SPG7: variants seen among roughly 807,000 people sequenced by gnomAD.
SPG7 encodes the protein SPG7 matrix AAA peptidase subunit, paraplegin, also known as mitochondrial inner membrane m-AAA protease component paraplegin.
A neutral mutation model predicts 81.9 loss-of-function variants in SPG7; 103 were observed. That is an observed-to-expected ratio of 1.26 (90% CI 1.07 to 1.48). The LOEUF (loss-of-function observed/expected upper bound fraction) is 1.48. Ranked by LOEUF, SPG7 falls within the 40% of genes most tolerant of loss-of-function variation. The pLI is 0.00. For missense variants in SPG7, 1,241 were observed against 1,087.3 expected (o/e 1.14, Z -1.99); for synonymous variants, 534 against 444.2 (o/e 1.20, Z -2.54).
intron 3 of SPG7, among the ~76,000 whole-genome samples, chr16:89,515,710 TTATTA>T (rs2058086417): frequency 6.9e-6 from 1 of 144,662 alleles, no homozygotes; most frequent in African/African-American, 2.7e-5. Context: ...ACTATTATTA[TTATTA>T]TTTTTTTTTT....
Position 89,529,552 on chromosome 16 carries a change from T to G in SPG7, c.834T>G (p.Thr278=), listed in dbSNP as rs1280128284. The G allele has an allele frequency of 6.2e-7, 1 of 1,613,756 alleles. No individual in the cohort carries two copies. Among genetic ancestry groups the G allele is most frequent in the East Asian group, 2.2e-5 (1 of 44,896 alleles). Residue 278 remains threonine (T), a synonymous_variant, in exon 6 of 17, where the codon ACT becomes ACG. Transcript: ENST00000645818. The stretch of plus-strand genomic sequence containing the variant: ...ATGTTTTCCGTCTGGCCGGGATGAC[T>G]GGAAGGGAAGGTGGATTCAGTGCTT... ...LWYVFRLAGM[T]GREGGFSAFN...
chr16:89,531,870 A>T, intron 7 of SPG7, 34 bp from the exon 8 acceptor site: 1 of 1,613,070 alleles, frequency 6.2e-7, no homozygotes, highest in Non-Finnish European at 8.5e-7. Context: ...GGAATCCCCA[A>T]GTAGTTAGTG....
Position 89,532,596 on chromosome 16 carries a change from GGA to G in SPG7, c.1286_1287del (p.Glu429GlyfsTer30). ...TTMSGFSNTEEEQTLNQLLVE... is the reference protein window; with the variant it reads ...TTMSGFSNTEXEQTLNQLLVE... The stretch of plus-strand genomic sequence containing the variant: ...CCATGTCCGGCTTCTCCAACACGGA[GGA>G]GGAGCAGACGCTCAACCAGCTTCTG... On this transcript the variant is annotated frameshift_variant, in exon 9 of 17. Coordinates refer to ENST00000645818, the MANE Select transcript of SPG7 (RefSeq NM_003119.4). LOFTEE classifies it high-confidence loss of function. 1 of 1,613,754 alleles carries G rather than the reference GGA, an allele frequency of 6.2e-7. No homozygotes were observed.
chr16:89,529,854 T>C (rs1269927740), intron 6 of SPG7: 4 of 468,586 alleles, frequency 8.5e-6, no homozygotes. Flanking sequence ...TTTCTTTTTT[T>C]TTGAGACGGA....
chr16:89,523,661 A>C (rs1250657903), intron 3 of SPG7: 2 of 468,390 alleles, frequency 4.3e-6, no homozygotes, highest in South Asian at 3.1e-5. Context: ...GGCTCACTGC[A>C]GCTTCAACCT....
chr16:89,554,046 C>A (rs1045800229), intron 15 of SPG7, 86 bp downstream of exon 15: 137 of 1,478,944 alleles, frequency 9.3e-5, no homozygotes, highest in African/African-American at 1.5e-4. Flanking sequence ...CGCCCACGGC[C>A]GCCCCAGCGG....
intron 1 of SPG7, 127 bp downstream of exon 1, chr16:89,508,727 A>G (rs1277316891): frequency 1.5e-5 from 15 of 1,021,866 alleles, no homozygotes; most frequent in Non-Finnish European, 2.2e-5. Context: ...GGGCCCGCGG[A>G]TCCCCCAGCT....
chr16:89,536,506 GA>G (rs1364977176), intron 9 of SPG7, among the ~76,000 whole-genome samples: 8 of 54,440 alleles, frequency 1.5e-4, no homozygotes, highest in Admixed American at 4.2e-4. Flanking sequence ...CAGGTGAGGT[GA>G]GGCGGGTGAG....
In SPG7 at chr16:89,529,206, C is replaced by T. The variant is rs538015965; in HGVS notation, c.759-271C>T. 1.5e-5 allele frequency: 8 copies of T among 519,500 alleles called. No individual in the cohort carries two copies. The East Asian group carries it at 2.8e-4, about 18-fold the overall frequency. The allele number at this position is 519,500 out of a possible 1,614,324, so 32.2% of individuals were successfully genotyped here. A position where few individuals can be genotyped will look rare whatever the true frequency, so the allele number is the denominator to read the frequency against. Reference sequence around the variant, plus strand: ...CAAAATATACTGAAAATAGAAAAACCTGAACGTTGTTATTGTCACAAGGCT... The same window carrying T: ...CAAAATATACTGAAAATAGAAAAACTTGAACGTTGTTATTGTCACAAGGCT... On this transcript the variant is annotated intron_variant, in intron 5 of 16. Transcript: ENST00000645818.
Position 89,510,477 on chromosome 16 carries a change from T to G in SPG7, c.184-13T>G, listed in dbSNP as rs1455074949. The G allele has an allele frequency of 4.9e-5, 76 of 1,550,228 alleles. No individual in the cohort carries two copies. Among genetic ancestry groups the G allele is most frequent in the Non-Finnish European group, 6.7e-5 (75 of 1,126,290 alleles). On this transcript the variant is annotated splice_polypyrimidine_tract_variant and intron_variant, in intron 1 of 16. Coordinates refer to ENST00000645818, the MANE Select transcript of SPG7 (RefSeq NM_003119.4). ...TGGTGTGACCTCCAGTATTGTTTTT[T>G]TTTTTTTTTCAGAGCTTACAATTGA...
At chr16:89,526,493 C>CTT in intron 5 of SPG7, 25 bp downstream of exon 5, 1 of 1,613,776 alleles carries the variant, frequency 6.2e-7, no homozygotes, top group South Asian at 1.1e-5. Flanking sequence ...TTTGTTGATG[C>CTT]TTGAACTAAA....
chr16:89,518,182 T>A (rs2058128468), intron 3 of SPG7: 1 of 152,246 alleles, frequency 6.6e-6, no homozygotes. Context: ...GGTCTGATGC[T>A]GAACTGCATG....
Position 89,546,453 on chromosome 16 carries a change from G to A in SPG7, c.1450-205G>A, listed in dbSNP as rs547544481. 7 of 561,722 alleles carry A rather than the reference G, an allele frequency of 1.2e-5. No homozygotes were observed. In the South Asian group the frequency reaches 1.3e-4, roughly 10 times the overall value. 34.8% of individuals were successfully genotyped at this position (561,722 alleles called of 1,614,324 possible). A position where few individuals can be genotyped will look rare whatever the true frequency, so the allele number is the denominator to read the frequency against. On this transcript the variant is annotated intron_variant, in intron 10 of 16. Coordinates refer to ENST00000645818, the MANE Select transcript of SPG7 (RefSeq NM_003119.4). ...AGCACTTTGGGAGGCCGAGGCAGGT[G>A]GATCACTTGAAGCCAGGAGTTCGAG...
intron 5 of SPG7, among the ~76,000 whole-genome samples, chr16:89,528,090 G>GA (rs1555612083): frequency 2.8e-5 from 4 of 141,238 alleles, no homozygotes; most frequent in East Asian, 2.2e-4. Context: ...GCCGATGATG[G>GA]ACAGAAGGTG....
rs569494746 is a variant in SPG7, at chr16:89,535,753, T to C, written c.1324+3117T>C. The stretch of plus-strand genomic sequence containing the variant: ...CCTGTACCTCAAGCGGAGATCACCA[T>C]GCGTTTTAGAGGCCTCTGGAGCCTA... On this transcript the variant is annotated intron_variant, in intron 9 of 16. Transcript: ENST00000645818. 3.9e-5 allele frequency among the ~76,000 whole-genome samples: 6 copies of C among 152,378 alleles called. No individual in the cohort carries two copies. In the East Asian group the frequency reaches 1.2e-3, roughly 29 times the overall value.
intron 10 of SPG7, 102 bp downstream of exon 10, chr16:89,544,874 G>A: frequency 7.0e-7 from 1 of 1,429,312 alleles, no homozygotes; most frequent in Non-Finnish European, 9.7e-7. Flanking sequence ...TGTGAAGCCT[G>A]TCACAGCCCC....
At chr16:89,547,961 C>A in intron 11 of SPG7, 42 bp from the exon 12 acceptor site, 1 of 1,496,774 alleles carries the variant, frequency 6.7e-7, no homozygotes, top group Non-Finnish European at 9.3e-7. Flanking sequence ...GCCCTGATAG[C>A]AGAAACCCAC....
chr16:89,543,560 A>G (rs2058526515), intron 9 of SPG7: 1 of 146,166 alleles, frequency 6.8e-6, no homozygotes, highest in South Asian at 2.2e-4. Flanking sequence ...ATGGTCTAGA[A>G]CTTCTGACCT....
rs2058695689 is a variant in SPG7, at chr16:89,557,152, CCT to C, written c.*60_*61del. 4 of 1,364,438 alleles carry C rather than the reference CCT, an allele frequency of 2.9e-6. No homozygotes were observed. In the Admixed American group the frequency reaches 5.4e-5, roughly 18 times the overall value. The allele number at this position is 1,364,438 out of a possible 1,614,324, so 84.5% of individuals were successfully genotyped here. On this transcript the variant is annotated 3_prime_UTR_variant, in exon 17 of 17. Transcript: ENST00000645818. ...GGGAAGTGAGGGCTCACTCAGCCAC[CCT>C]GAGTTGCTTTTCAGCTGAGGTTTGC...
Sources: allele counts gnomAD v4.1 joint callset (sites outside exome capture counted in the v4.1 genomes callset), GRCh38; gene constraint gnomAD v4.1.1; transcripts MANE v1.5; gene names NCBI Gene and HGNC (gene_info 2026-07-23, HGNC 2026-07-21).